Variants in PDC observed in about 807,000 individuals in gnomAD.
The protein encoded by PDC is 33 kDa phototransducing protein.
Under a neutral mutation model 22.2 loss-of-function variants are expected in PDC, and 19 were observed. That is an observed-to-expected ratio of 0.86 (90% CI 0.60 to 1.26). The LOEUF (loss-of-function observed/expected upper bound fraction) is 1.26. Among genes scored for constraint, PDC ranks in the 50% most tolerant of loss-of-function variants. The pLI is 0.00. For missense variants in PDC, 274 were observed against 286.8 expected (o/e 0.96, Z 0.32); for synonymous variants, 97 against 96.2 (o/e 1.01, Z -0.05).
chr1:186,444,366 T>A lies in PDC; in HGVS notation c.354A>T (p.Glu118Asp), dbSNP rs779362996. Reference sequence around the variant, plus strand: ...TTGTTTCTAGGAATTGCTTTCCAGTTTCCAGCTCATACACAAACCCATATC... The same window carrying A: ...TTGTTTCTAGGAATTGCTTTCCAGTATCCAGCTCATACACAAACCCATATC... ...GPRYGFVYEL[E>D]TGKQFLETIE... is the part of the protein sequence containing the mutation. The change falls in exon 4 of 4, where the codon GAA becomes GAT. Residue 118 changes from glutamate to aspartate, a missense_variant. Physicochemically the swap from Glu to Asp is conservative, Grantham distance 45 (BLOSUM62 2). Transcript: ENST00000391997. 2 of 1,614,128 alleles carry A rather than the reference T, an allele frequency of 1.2e-6. No individual in the cohort carries two copies. The highest frequency in any genetic ancestry group is 2.2e-5 in the South Asian group (2 of 91,080).
intron 1 of PDC, among the ~76,000 whole-genome samples, chr1:186,457,399 C>A (rs1662491758): frequency 6.6e-6 from 1 of 152,050 alleles, no homozygotes; most frequent in Non-Finnish European, 1.5e-5. Flanking sequence ...TGCCTCATAA[C>A]AATTAATTTC....
chr1:186,460,883 T>G (rs1662568689), intron 1 of PDC, among the ~76,000 whole-genome samples, 176 bp downstream of exon 1: 1 of 152,234 alleles, frequency 6.6e-6, no homozygotes, highest in Non-Finnish European at 1.5e-5. Flanking sequence ...TGGAAATCAC[T>G]GAAAGAGAGA....
rs554737837 is a variant in PDC, at chr1:186,443,748, CTT to C, written c.*229_*230del. 3.4e-4 allele frequency: 151 copies of C among 450,430 alleles called. No homozygotes were observed. In the East Asian group the frequency reaches 3.5e-3, roughly 11 times the overall value. The allele number at this position is 450,430 out of a possible 1,614,324, so 27.9% of individuals were successfully genotyped here. On this transcript the variant is annotated 3_prime_UTR_variant, in exon 4 of 4. Transcript: ENST00000391997. ...AATGTCATAATATTATCCACATCCTCTTTGTCTACTAATAATGTTGCTGAAGA... is the reference window on the plus strand; with the variant it reads ...AATGTCATAATATTATCCACATCCTCTGTCTACTAATAATGTTGCTGAAGA...
chr1:186,444,511 G>A lies in PDC; in HGVS notation c.214-5C>T. On this transcript the variant is annotated splice_polypyrimidine_tract_variant and splice_region_variant and intron_variant, in intron 3 of 3. Coordinates refer to ENST00000391997, the MANE Select transcript of PDC (RefSeq NM_002597.5). Reference sequence around the variant, plus strand: ...TTCATATTCTTGAATGCTCATCTGAGAATAAAGAAATGATAGAAATTATTA... The same window carrying A: ...TTCATATTCTTGAATGCTCATCTGAAAATAAAGAAATGATAGAAATTATTA... 1 of 1,547,694 alleles carries A rather than the reference G, an allele frequency of 6.5e-7. No homozygotes were observed. Among genetic ancestry groups the A allele is most frequent in the Non-Finnish European group, 8.9e-7 (1 of 1,128,044 alleles).
chr1:186,458,806 T>G (rs921423292), intron 1 of PDC, among the ~76,000 whole-genome samples: 1 of 152,176 alleles, frequency 6.6e-6, no homozygotes, highest in Non-Finnish European at 1.5e-5. Context: ...GGGAGTGTTA[T>G]GGAGGGCATA....
At chr1:186,459,887 T>G (rs1487520002) in intron 1 of PDC, among the ~76,000 whole-genome samples, 1 of 149,054 alleles carries the variant, frequency 6.7e-6, no homozygotes, top group Non-Finnish European at 1.5e-5. Flanking sequence ...TAAGGTTTAT[T>G]AGTAATAATA....
chr1:186,460,437 A>AGG (rs1478731446), intron 1 of PDC, among the ~76,000 whole-genome samples: 2 of 152,204 alleles, frequency 1.3e-5, no homozygotes, highest in Admixed American at 6.5e-5. Flanking sequence ...TTACTTAATA[A>AGG]GGTCCCAAAG....
chr1:186,451,318 A>G (rs1662350573), intron 1 of PDC: 1 of 152,264 alleles, frequency 6.6e-6, no homozygotes, highest in South Asian at 2.1e-4. Context: ...GAATGGATTT[A>G]GTAATTAAAA....
chr1:186,446,591 A>T lies in PDC; in HGVS notation c.62-14T>A. ...CTCCTTTGGGTCCTGGAATGAAATT[A>T]AAAATAAATTGTTTTCCTTTTTATT... On this transcript the variant is annotated splice_polypyrimidine_tract_variant and intron_variant, in intron 2 of 3. Coordinates refer to ENST00000391997, the MANE Select transcript of PDC (RefSeq NM_002597.5). 2 of 1,463,798 alleles carry T rather than the reference A, an allele frequency of 1.4e-6. No homozygotes were observed. The highest frequency in any genetic ancestry group is 9.4e-7 in the Non-Finnish European group (1 of 1,067,648). 90.7% of individuals were successfully genotyped at this position (1,463,798 alleles called of 1,614,324 possible).
At chr1:186,455,122 A>G (rs368074740) in intron 1 of PDC, among the ~76,000 whole-genome samples, 4 of 152,290 alleles carry the variant, frequency 2.6e-5, no homozygotes, top group East Asian at 3.9e-4. Flanking sequence ...TAATTTTCTC[A>G]TAGTTCCAGA....
At chr1:186,455,995 ATATATATAT>A (rs370233466) in intron 1 of PDC, among the ~76,000 whole-genome samples, 296 of 55,500 alleles carry the variant, frequency 5.3e-3, no homozygotes, top group Non-Finnish European at 5.7e-3. Context: ...AAAAAAAAAA[ATATATATAT>A]ATATATATAT....
At chr1:186,458,226 CTTT>C (rs1157926478) in intron 1 of PDC, among the ~76,000 whole-genome samples, 3 of 88,394 alleles carry the variant, frequency 3.4e-5, no homozygotes, top group Admixed American at 1.4e-4. Flanking sequence ...TACAGATATT[CTTT>C]TTTTTTTTTT....
At chr1:186,455,994 A>AAATAT (rs1553242743) in intron 1 of PDC, among the ~76,000 whole-genome samples, 3 of 77,092 alleles carry the variant, frequency 3.9e-5, no homozygotes, top group African/African-American at 6.9e-5. Context: ...AAAAAAAAAA[A>AAATAT]ATATATATAT....
At chr1:186,457,473 C>T (rs1318275091) in intron 1 of PDC, among the ~76,000 whole-genome samples, 1 of 152,136 alleles carries the variant, frequency 6.6e-6, no homozygotes, top group African/African-American at 2.4e-5. Context: ...TACTTGTTTT[C>T]CAATGAATTG....
intron 1 of PDC, among the ~76,000 whole-genome samples, chr1:186,459,875 T>G (rs1317419758): frequency 1.3e-5 from 2 of 149,182 alleles, no homozygotes; most frequent in Non-Finnish European, 3.0e-5. Context: ...TGATGCAAAC[T>G]GTAAGGTTTA....
At chr1:186,455,004 C>T (rs1662429581) in intron 1 of PDC, among the ~76,000 whole-genome samples, 1 of 152,182 alleles carries the variant, frequency 6.6e-6, no homozygotes, top group African/African-American at 2.4e-5. Flanking sequence ...AAACTTTCTG[C>T]CACTCTTCTA....
intron 2 of PDC, among the ~76,000 whole-genome samples, chr1:186,447,983 G>T (rs976363908): frequency 6.6e-6 from 1 of 152,010 alleles, no homozygotes; most frequent in East Asian, 1.9e-4. Flanking sequence ...ACATGAAAAG[G>T]TTCTTCCTTA....
intron 1 of PDC, among the ~76,000 whole-genome samples, chr1:186,454,696 A>G (rs1198852248): frequency 6.6e-6 from 1 of 152,226 alleles, no homozygotes; most frequent in East Asian, 1.9e-4. Flanking sequence ...CTACTCTTAC[A>G]TGTGGCCAAA....
At chr1:186,459,301 G>T (rs955736866) in intron 1 of PDC, among the ~76,000 whole-genome samples, 15 of 152,058 alleles carry the variant, frequency 9.9e-5, no homozygotes, top group Admixed American at 9.1e-4. Context: ...AGCCTGCCGA[G>T]TGCCTGCGAT....
Sources: gnomAD v4.1 joint callset for allele counts (sites outside exome capture counted in the v4.1 genomes callset) on GRCh38, gnomAD v4.1.1 for gene constraint, MANE v1.5 for transcripts, NCBI Gene and HGNC (gene_info 2026-07-23, HGNC 2026-07-21) for gene names.